The following PCDH15 variants were observed in gnomAD, a reference collection of about 807,000 sequenced individuals.
The protein encoded by PCDH15 is protocadherin related 15.
In PCDH15, 129 loss-of-function variants were observed where a neutral mutation model predicts 178.5. The ratio of observed to expected loss-of-function variants is 0.72; its 90% CI spans 0.63 to 0.84. The LOEUF is 0.84. Among genes scored for constraint, PCDH15 ranks in the 40% least tolerant of loss-of-function variants. The probability of loss-of-function intolerance (pLI) is 0.00; values close to 1 mark genes in which losing one functional copy is unlikely to be tolerated. For missense variants in PCDH15, 2,230 were observed against 2,099.9 expected (o/e 1.06, Z -1.21); for synonymous variants, 800 against 732.0 (o/e 1.09, Z -1.50).
At chr10:54,003,736 C>CAAAAAAAAAAA (rs55871741) in intron 20 of PCDH15, among the ~76,000 whole-genome samples, 1 of 76,200 alleles carries the variant, frequency 1.3e-5, no homozygotes, top group Non-Finnish European at 2.4e-5. Context: ...CAAACTATTC[C>CAAAAAAAAAAA]AAAAAAAAAA....
intron 2 of PCDH15, among the ~76,000 whole-genome samples, chr10:55,534,346 A>G (rs1330303893): frequency 6.6e-6 from 1 of 152,076 alleles, no homozygotes; most frequent in Non-Finnish European, 1.5e-5. Context: ...AATATCCAGA[A>G]TCTATAGGGA....
chr10:54,522,674 G>A (rs1463628029), intron 3 of PCDH15, among the ~76,000 whole-genome samples: 2 of 152,150 alleles, frequency 1.3e-5, no homozygotes, highest in African/African-American at 4.8e-5. Context: ...TGCATCGCCA[G>A]TACCAGAACA....
At chr10:55,306,578 A>G (rs967578840) in intron 1 of PCDH15, among the ~76,000 whole-genome samples, 1 of 152,232 alleles carries the variant, frequency 6.6e-6, no homozygotes, top group Non-Finnish European at 1.5e-5. Flanking sequence ...AGTATTCTAT[A>G]AATTTCAAGT....
intron 2 of PCDH15, among the ~76,000 whole-genome samples, chr10:55,340,633 ATAT>A (rs1262623163): frequency 2.6e-5 from 4 of 152,100 alleles, no homozygotes; most frequent in East Asian, 1.9e-4. Context: ...CCAAGAAATA[ATAT>A]TATTAACTTA....
At chr10:55,415,807 A>G (rs1425101527) in intron 2 of PCDH15, among the ~76,000 whole-genome samples, 1 of 151,752 alleles carries the variant, frequency 6.6e-6, no homozygotes, top group African/African-American at 2.4e-5. Context: ...CAATGGGAAG[A>G]CTGAGGTACC....
At chr10:55,244,082 T>C (rs1005611703) in intron 1 of PCDH15, among the ~76,000 whole-genome samples, 3 of 152,098 alleles carry the variant, frequency 2.0e-5, no homozygotes, top group Admixed American at 1.3e-4. Context: ...ATTCTGATAA[T>C]TTGTCTTTAG....
intron 2 of PCDH15, among the ~76,000 whole-genome samples, chr10:55,093,931 T>A (rs1842381092): frequency 6.6e-6 from 1 of 152,144 alleles, no homozygotes; most frequent in African/African-American, 2.4e-5. Flanking sequence ...GGAACACTTT[T>A]ACACTGTTGG....
At chr10:55,350,990 TCC>T (rs71461294) in intron 2 of PCDH15, among the ~76,000 whole-genome samples, 1 of 114,458 alleles carries the variant, frequency 8.7e-6, no homozygotes, top group Non-Finnish European at 1.8e-5. Context: ...CTCTTCCTCC[TCC>T]CCCTGTCTCC....
intron 2 of PCDH15, among the ~76,000 whole-genome samples, chr10:55,488,591 T>C (rs890851568): frequency 6.6e-6 from 1 of 151,524 alleles, no homozygotes; most frequent in Admixed American, 6.6e-5. Flanking sequence ...ATTAATTAAG[T>C]ATTAAATTAC....
chr10:55,353,143 T>C (rs980581705), intron 2 of PCDH15, among the ~76,000 whole-genome samples: 8 of 152,088 alleles, frequency 5.3e-5, no homozygotes, highest in South Asian at 2.1e-4. Flanking sequence ...TCTCTACAAC[T>C]TTTTGCAGGG....
At chr10:54,792,618 G>A (rs1377923987) in intron 1 of PCDH15, among the ~76,000 whole-genome samples, 5 of 151,854 alleles carry the variant, frequency 3.3e-5, no homozygotes, top group African/African-American at 7.2e-5. Flanking sequence ...AAGCTGGGAC[G>A]TGAGTCCTTT....
At chr10:55,441,850 C>T (rs1839194820) in intron 2 of PCDH15, among the ~76,000 whole-genome samples, 2 of 152,078 alleles carry the variant, frequency 1.3e-5, no homozygotes, top group East Asian at 3.9e-4. Flanking sequence ...TCCAGGTGTG[C>T]CTTACATGGC....
At chr10:53,893,107 G>A (rs2081692083) in intron 26 of PCDH15, among the ~76,000 whole-genome samples, 1 of 151,390 alleles carries the variant, frequency 6.6e-6, no homozygotes, top group African/African-American at 2.4e-5. Flanking sequence ...GAGTGTCGGT[G>A]GAAAAAAACA....
At chr10:54,450,166 T>A (rs1336232069) in intron 3 of PCDH15, among the ~76,000 whole-genome samples, 1 of 146,606 alleles carries the variant, frequency 6.8e-6, no homozygotes. Flanking sequence ...TATTATACTT[T>A]AAGTTCTAGG....
At chr10:54,971,655 C>G (rs1412969594) in intron 2 of PCDH15, among the ~76,000 whole-genome samples, 1 of 152,166 alleles carries the variant, frequency 6.6e-6, no homozygotes, top group African/African-American at 2.4e-5. Context: ...AGACACTCTT[C>G]CTCCCACTTC....
intron 2 of PCDH15, among the ~76,000 whole-genome samples, chr10:54,980,557 A>C (rs1175575732): frequency 2.6e-5 from 4 of 152,070 alleles, no homozygotes; most frequent in African/African-American, 9.7e-5. Flanking sequence ...TGGATAATTA[A>C]CTATACACCC....
At chr10:54,069,143 T>C (rs1254743707) in intron 17 of PCDH15, among the ~76,000 whole-genome samples, 1 of 152,192 alleles carries the variant, frequency 6.6e-6, no homozygotes, top group Non-Finnish European at 1.5e-5. Flanking sequence ...CCAATTTGCC[T>C]GAGGGTTAAC....
chr10:54,709,951 A>T (rs1717809453), intron 1 of PCDH15, among the ~76,000 whole-genome samples: 1 of 147,514 alleles, frequency 6.8e-6, no homozygotes, highest in African/African-American at 2.5e-5. Context: ...GTATATATAT[A>T]TTACATATTT....
At chr10:54,288,193 G>C (rs1591601141) in intron 8 of PCDH15, among the ~76,000 whole-genome samples, 2 of 152,172 alleles carry the variant, frequency 1.3e-5, no homozygotes, top group South Asian at 4.2e-4. Flanking sequence ...ATGGTGGAGT[G>C]TCTGTAGTCT....
Sources: gnomAD v4.1 joint callset for allele counts (sites outside exome capture counted in the v4.1 genomes callset) on GRCh38, gnomAD v4.1.1 for gene constraint, MANE v1.5 for transcripts, NCBI Gene and HGNC (gene_info 2026-07-23, HGNC 2026-07-21) for gene names.